The following STRBP variants were observed in gnomAD, a reference collection of about 807,000 sequenced individuals.
STRBP encodes spermatid perinuclear RNA-binding protein.
In STRBP, 13 loss-of-function variants were observed where a neutral mutation model predicts 80.1. The ratio of observed to expected loss-of-function variants is 0.16; its 90% CI spans 0.11 to 0.26. The LOEUF (loss-of-function observed/expected upper bound fraction) is 0.26, where lower values mean the gene tolerates loss of function less well. Among genes scored for constraint, STRBP ranks in the 10% least tolerant of loss-of-function variants. The pLI is 1.00. For synonymous variants in STRBP, 284 were observed against 291.2 expected (o/e 0.98, Z 0.25); for missense variants, 485 against 815.2 (o/e 0.59, Z 4.93).
chr9:123,266,192 C>T (rs2041262539), intron 1 of STRBP, among the ~76,000 whole-genome samples: 1 of 152,192 alleles, frequency 6.6e-6, no homozygotes, highest in Non-Finnish European at 1.5e-5. Context: ...CCTCGTGACC[C>T]TGTGTGGCCC....
intron 2 of STRBP, among the ~76,000 whole-genome samples, chr9:123,214,770 T>C (rs2039837376): frequency 1.3e-5 from 2 of 152,158 alleles, no homozygotes; most frequent in South Asian, 4.1e-4. Context: ...CATACAGATA[T>C]GAATGAACAA....
intron 1 of STRBP, among the ~76,000 whole-genome samples, chr9:123,237,902 T>C (rs2132597511): frequency 6.6e-6 from 1 of 151,994 alleles, no homozygotes; most frequent in Non-Finnish European, 1.5e-5. Context: ...CTCAGGGGAG[T>C]GTTAAAGCAT....
intron 2 of STRBP, among the ~76,000 whole-genome samples, chr9:123,184,795 A>G (rs1361072728): frequency 6.6e-6 from 1 of 152,188 alleles, no homozygotes; most frequent in Non-Finnish European, 1.5e-5. Context: ...AATTTTTTTC[A>G]GCCTAAAATT....
At position 123,115,523 on chromosome 9, in the gene STRBP, C is replaced by G; in HGVS notation, c.*84+406G>C. On this transcript the variant is annotated intron_variant and NMD_transcript_variant, in intron 3 of 3. Transcript: ENST00000471564. The surrounding 1 kb of genome is among the most constrained non-coding windows in gnomAD (Gnocchi z 5.0). The stretch of plus-strand genomic sequence containing the variant: ...CTCTCCATCTGGGTCAATGATTTCA[C>G]CTTCTACTCAGTTGTCTAAGCTGCA... 2.7e-6 allele frequency: 1 copy of G among 376,674 alleles called. No homozygotes were observed. 23.3% of individuals were successfully genotyped at this position (376,674 alleles called of 1,614,324 possible).
Position 123,179,016 on chromosome 9 carries a change from T to A in STRBP, c.215A>T (p.Asn72Ile), listed in dbSNP as rs1342399545. The A allele has an allele frequency of 6.2e-7, 1 of 1,613,934 alleles. No individual in the cohort carries two copies. Among genetic ancestry groups the A allele is most frequent in the African/African-American group, 1.3e-5 (1 of 74,912 alleles). ...TEVKKDEAGE[N>I]YSKDQGGRTL... ...GTCAGTCCACACTCACTTGGAATAG[T>A]TTTCTCCGGCCTCATCTTTCTTCAC... Residue 72 changes from asparagine (N) to isoleucine (I), a missense_variant, in exon 4 of 19, where the codon AAC (asparagine) becomes ATC (isoleucine). This residue lies in a region of STRBP where 377 missense variants were observed against 616.1 expected (regional missense o/e 0.61). Coordinates refer to ENST00000348403, the MANE Select transcript of STRBP (RefSeq NM_018387.5).
Position 123,125,178 on chromosome 9 carries a change from T to C in STRBP, c.*419A>G. On this transcript the variant is annotated 3_prime_UTR_variant, in exon 19 of 19. Coordinates refer to ENST00000348403, the MANE Select transcript of STRBP (RefSeq NM_018387.5). Reference sequence around the variant, plus strand: ...CTGGGGCAAATACATATCAATCAACTAAGAATCAGTGACTGCATCAGGAAC... The same window carrying C: ...CTGGGGCAAATACATATCAATCAACCAAGAATCAGTGACTGCATCAGGAAC... 1 of 985,970 alleles carries C rather than the reference T, an allele frequency of 1.0e-6. No individual in the cohort carries two copies. The highest frequency in any genetic ancestry group is 1.2e-6 in the Non-Finnish European group (1 of 829,736). 61.1% of individuals were successfully genotyped at this position (985,970 alleles called of 1,614,324 possible).
intron 2 of STRBP, among the ~76,000 whole-genome samples, chr9:123,198,627 T>C (rs2039195455): frequency 6.6e-6 from 1 of 152,292 alleles, no homozygotes; most frequent in Middle Eastern, 3.4e-3. Flanking sequence ...ATTTTTGTTT[T>C]TGTTGCATGT....
At position 123,116,267 on chromosome 9, in the gene STRBP, C is replaced by A. The variant is rs144021556; in HGVS notation, c.169-169G>T. ...GCCGAGCCAGGAACGGAGGATGTGG[C>A]CAAAAACCAAAGTGTGGATGAGGCG... On this transcript the variant is annotated intron_variant and NMD_transcript_variant, in intron 2 of 3. Coordinates refer to the STRBP transcript ENST00000471564. Among the ~76,000 whole-genome samples the A allele has an allele frequency of 3.3e-5, 5 of 152,216 alleles. No individual in the cohort carries two copies. In the East Asian group the frequency reaches 9.6e-4, roughly 29 times the overall value.
In STRBP at chr9:123,140,635, A is replaced by C. The variant is rs76154020; in HGVS notation, c.1339-948T>G. On this transcript the variant is annotated intron_variant, in intron 13 of 18. Coordinates refer to ENST00000348403, the MANE Select transcript of STRBP (RefSeq NM_018387.5). ...AAAACAAACAAACAAACAAAAAAAA[A>C]CAAGATTCAGTCTCTAGGTTTATTC... 1.4e-4 allele frequency among the ~76,000 whole-genome samples: 22 copies of C among 152,198 alleles called. No homozygotes were observed. In the East Asian group the frequency reaches 1.7e-3, roughly 12 times the overall value.
At chr9:123,155,659 G>A (rs2037252757) in intron 11 of STRBP, among the ~76,000 whole-genome samples, 1 of 152,016 alleles carries the variant, frequency 6.6e-6, no homozygotes, top group Non-Finnish European at 1.5e-5. Flanking sequence ...ATTGGAAAGT[G>A]GGATTCTTGA....
chr9:123,132,708 A>G (rs1296000334), intron 17 of STRBP, 137 bp downstream of exon 17: 1 of 1,243,832 alleles, frequency 8.0e-7, no homozygotes, highest in Non-Finnish European at 1.1e-6. Context: ...CCAATTCTCT[A>G]CTTTTAAATT....
In STRBP at chr9:123,248,612, G is replaced by C. The variant is rs536556609; in HGVS notation, c.-301-11646C>G. On this transcript the variant is annotated intron_variant, in intron 1 of 18. Coordinates refer to ENST00000348403, the MANE Select transcript of STRBP (RefSeq NM_018387.5). ...CAAATAAAAACCTGTAAAAATACTG[G>C]AAACTATACAAACCTATAAAAATAG... Among the ~76,000 whole-genome samples, 4 of 152,192 alleles carry C rather than the reference G, an allele frequency of 2.6e-5. No homozygotes were observed. In the South Asian group the frequency reaches 8.3e-4, roughly 32 times the overall value.
At chr9:123,148,800 G>A (rs1431279442) in intron 11 of STRBP, among the ~76,000 whole-genome samples, 2 of 152,088 alleles carry the variant, frequency 1.3e-5, no homozygotes, top group Non-Finnish European at 2.9e-5. Context: ...ATTCTTGTGT[G>A]TCTTCAGTGC....
chr9:123,215,567 C>T (rs2039868084), intron 2 of STRBP, among the ~76,000 whole-genome samples: 1 of 152,078 alleles, frequency 6.6e-6, no homozygotes, highest in African/African-American at 2.4e-5. Context: ...GCCAAATTAC[C>T]TGAGGTCAGG....
intron 5 of STRBP, among the ~76,000 whole-genome samples, chr9:123,172,701 A>C (rs927325310): frequency 1.1e-4 from 16 of 152,244 alleles, no homozygotes; most frequent in Admixed American, 9.8e-4. Context: ...GGTACTAAAA[A>C]ATCAGAGATG....
At chr9:123,121,139 C>T (rs531408445), downstream of STRBP, among the ~76,000 whole-genome samples, 2 of 152,166 alleles carry the variant, frequency 1.3e-5, no homozygotes, top group Non-Finnish European at 2.9e-5. Context: ...TCAGCTATAC[C>T]TCATACAACC....
chr9:123,197,665 TTC>T (rs1491444008), intron 2 of STRBP, among the ~76,000 whole-genome samples: 6 of 125,466 alleles, frequency 4.8e-5, no homozygotes, highest in Admixed American at 3.0e-4. Flanking sequence ...TGAAACATAT[TTC>T]TTTTTTTTTT....
intron 4 of STRBP, among the ~76,000 whole-genome samples, chr9:123,176,506 C>T (rs2038226441): frequency 6.6e-6 from 1 of 151,948 alleles, no homozygotes; most frequent in South Asian, 2.1e-4. Context: ...TTTTTATAAG[C>T]AAGTTTGGAG....
intron 2 of STRBP, among the ~76,000 whole-genome samples, chr9:123,194,765 T>C (rs1015944190): frequency 4.6e-5 from 7 of 151,868 alleles, no homozygotes; most frequent in South Asian, 2.1e-4. Flanking sequence ...TCAGCAACAG[T>C]TGACACAGTT....
Sources: allele counts gnomAD v4.1 joint callset (sites outside exome capture counted in the v4.1 genomes callset), GRCh38; gene constraint gnomAD v4.1.1; regional missense constraint gnomAD v4.1.1; non-coding constraint Gnocchi (gnomAD v3.1); transcripts MANE v1.5; gene names NCBI Gene and HGNC (gene_info 2026-07-23, HGNC 2026-07-21).